Variants in PCDH9 observed in about 807,000 individuals in gnomAD.
PCDH9 encodes protocadherin-9.
A neutral mutation model predicts 70.6 loss-of-function variants in PCDH9; 24 were observed. The ratio of observed to expected loss-of-function variants is 0.34; its 90% confidence interval spans 0.25 to 0.48. PCDH9 has a LOEUF of 0.48. Ranked by LOEUF, PCDH9 falls within the 20% of genes least tolerant of loss-of-function variation. The probability of loss-of-function intolerance (pLI) is 0.99; values close to 1 mark genes in which losing one functional copy is unlikely to be tolerated. For missense variants in PCDH9, 1,281 were observed against 1,503.6 expected (o/e 0.85, Z 2.45); for synonymous variants, 562 against 558.5 (o/e 1.01, Z -0.09).
chr13:66,464,512 T>C (rs560519257), intron 4 of PCDH9, among the ~76,000 whole-genome samples: 2 of 152,070 alleles, frequency 1.3e-5, no homozygotes, highest in South Asian at 2.1e-4. Flanking sequence ...AAAGAGTTTA[T>C]ATAATTGACT....
At chr13:66,531,638 G>A (rs1445545909) in intron 4 of PCDH9, among the ~76,000 whole-genome samples, 1 of 151,988 alleles carries the variant, frequency 6.6e-6, no homozygotes, top group South Asian at 2.1e-4. Context: ...TTTGAACTAC[G>A]CTTTAAATTG....
chr13:66,776,875 A>T (rs1428523887), intron 3 of PCDH9, among the ~76,000 whole-genome samples: 1 of 138,026 alleles, frequency 7.2e-6, no homozygotes, highest in Non-Finnish European at 1.6e-5. Context: ...CCTGACTTCA[A>T]ACTATACTAC....
intron 3 of PCDH9, among the ~76,000 whole-genome samples, chr13:66,651,156 TTAG>T (rs1164202784): frequency 6.6e-6 from 1 of 150,958 alleles, no homozygotes; most frequent in Non-Finnish European, 1.5e-5. Flanking sequence ...TGAACCTAAG[TTAG>T]TAGAAGAAAA....
chr13:66,496,770 C>A (rs945702444), intron 4 of PCDH9, among the ~76,000 whole-genome samples: 48 of 152,238 alleles, frequency 3.2e-4, no homozygotes, highest in African/African-American at 1.0e-3. Context: ...CCTTATATCA[C>A]AAACAATTAA....
chr13:66,693,574 T>C (rs1310273413), intron 3 of PCDH9, among the ~76,000 whole-genome samples: 6 of 152,178 alleles, frequency 3.9e-5, no homozygotes, highest in South Asian at 2.1e-4. Flanking sequence ...GAGCTCTCTA[T>C]GGACAATTTG....
chr13:67,018,783 T>C (rs1032975499), intron 2 of PCDH9, among the ~76,000 whole-genome samples: 1 of 152,184 alleles, frequency 6.6e-6, no homozygotes, highest in Non-Finnish European at 1.5e-5. Flanking sequence ...TCTCTGCCTC[T>C]ATTCTCAATA....
chr13:66,551,062 T>C (rs1961464137), intron 4 of PCDH9, among the ~76,000 whole-genome samples: 1 of 152,104 alleles, frequency 6.6e-6, no homozygotes, highest in Admixed American at 6.6e-5. Flanking sequence ...AAGTTGAGGG[T>C]GACTATAGTT....
intron 2 of PCDH9, among the ~76,000 whole-genome samples, chr13:67,004,142 T>A (rs2084300913): frequency 9.8e-6 from 1 of 101,924 alleles, no homozygotes; most frequent in Non-Finnish European, 2.2e-5. Context: ...AAAATTAACT[T>A]TTTTTTTTTG....
At chr13:66,370,261 C>T (rs76458699) in intron 4 of PCDH9, among the ~76,000 whole-genome samples, 9,722 of 151,970 alleles carry the variant, frequency 0.064, 355 homozygotes, top group Middle Eastern at 0.11. Context: ...AATAGAGTCC[C>T]TGTCTCCCAG....
intron 3 of PCDH9, among the ~76,000 whole-genome samples, chr13:66,868,439 CATAG>C (rs1163165919): frequency 6.6e-6 from 1 of 151,868 alleles, no homozygotes; most frequent in Non-Finnish European, 1.5e-5. Flanking sequence ...TTCATATTCT[CATAG>C]ATACATTTAC....
chr13:66,579,342 G>A (rs910186982), intron 4 of PCDH9, among the ~76,000 whole-genome samples: 14 of 151,964 alleles, frequency 9.2e-5, no homozygotes, highest in Non-Finnish European at 1.9e-4. Flanking sequence ...AAGTATATCA[G>A]CAGCTAAAAT....
Position 67,226,192 on chromosome 13 carries a change from C to T in PCDH9, c.2249G>A (p.Arg750His), listed in dbSNP as rs1359030093. Residue 750 changes from arginine (R) to histidine (H), a missense_variant, in exon 2 of 5, where the codon CGT becomes CAT. Physicochemically the swap from Arg to His is conservative, Grantham distance 29. Around this residue, in one of 4 missense-constraint regions of PCDH9, gnomAD observed 798 missense variants for 1,003.1 expected, o/e 0.80. Coordinates refer to ENST00000377865, the MANE Select transcript of PCDH9 (RefSeq NM_203487.3). This position sits in a 1 kb window ranked among gnomAD's most constrained non-coding sequence, Gnocchi z 5.0. ...CAGGTCACTTATGTTGACCACCAAACGATGCAATCCCACATCAGTAGGTGC... is the reference window on the plus strand; with the variant it reads ...CAGGTCACTTATGTTGACCACCAAATGATGCAATCCCACATCAGTAGGTGC... ...KPAPTDVGLHRLVVNISDLGY... is the reference protein window; with the variant it reads ...KPAPTDVGLHHLVVNISDLGY... 1 of 1,614,124 alleles carries T rather than the reference C, an allele frequency of 6.2e-7. No homozygotes were observed. The highest frequency in any genetic ancestry group is 8.5e-7 in the Non-Finnish European group (1 of 1,180,022).
chr13:66,554,012 T>A (rs1961611499), intron 4 of PCDH9, among the ~76,000 whole-genome samples: 1 of 152,146 alleles, frequency 6.6e-6, no homozygotes, highest in South Asian at 2.1e-4. Flanking sequence ...AAATTGCTCC[T>A]TATATCAAAG....
chr13:67,128,084 A>C (rs1218743291), intron 2 of PCDH9, among the ~76,000 whole-genome samples: 1 of 152,158 alleles, frequency 6.6e-6, no homozygotes. Flanking sequence ...GTAGCCCCAA[A>C]GACTTGTGGG....
intron 2 of PCDH9, among the ~76,000 whole-genome samples, chr13:67,112,904 T>C (rs2086686233): frequency 6.6e-6 from 1 of 150,902 alleles, no homozygotes; most frequent in South Asian, 2.1e-4. Flanking sequence ...AATTTTTTGT[T>C]ATTTTTTGTA....
At chr13:66,747,349 T>TCAAAACAAAACAAAA (rs60690085) in intron 3 of PCDH9, among the ~76,000 whole-genome samples, 1 of 147,232 alleles carries the variant, frequency 6.8e-6, no homozygotes, top group African/African-American at 2.5e-5. Context: ...AGACGCCATC[T>TCAAAACAAAACAAAA]CAAAACAAAA....
chr13:67,076,525 G>A (rs948677805), intron 2 of PCDH9, among the ~76,000 whole-genome samples: 2 of 152,100 alleles, frequency 1.3e-5, no homozygotes, highest in Admixed American at 1.3e-4. Context: ...CATAAGGAGG[G>A]CCGTGGGAGG....
At chr13:66,766,837 T>C (rs904896259) in intron 3 of PCDH9, among the ~76,000 whole-genome samples, 8 of 152,040 alleles carry the variant, frequency 5.3e-5, no homozygotes, top group African/African-American at 1.2e-4. Context: ...TTTAGTTTTC[T>C]TAATAATATT....
At chr13:66,869,211 G>T (rs901672095) in intron 3 of PCDH9, among the ~76,000 whole-genome samples, 3 of 152,104 alleles carry the variant, frequency 2.0e-5, no homozygotes, top group African/African-American at 7.2e-5. Context: ...TGATTGAAAG[G>T]TGACAAAATT....
Sources: allele counts gnomAD v4.1 joint callset (sites outside exome capture counted in the v4.1 genomes callset), GRCh38; gene constraint gnomAD v4.1.1; regional missense constraint gnomAD v4.1.1; non-coding constraint Gnocchi (gnomAD v3.1); transcripts MANE v1.5; gene names NCBI Gene and HGNC (gene_info 2026-07-23, HGNC 2026-07-21).